RPS6KA5: variants seen among roughly 807,000 people sequenced by gnomAD.
RPS6KA5 encodes ribosomal protein S6 kinase A5, also known as ribosomal protein S6 kinase alpha-5.
In RPS6KA5, 27 loss-of-function variants were observed where a neutral mutation model predicts 85.5. The ratio of observed to expected loss-of-function variants is 0.32; its 90% confidence interval spans 0.23 to 0.44. The LOEUF is 0.44. Ranked by LOEUF, RPS6KA5 falls within the 20% of genes least tolerant of loss-of-function variation. RPS6KA5 has a pLI of 1.00. For synonymous variants in RPS6KA5, 334 were observed against 348.2 expected (o/e 0.96, Z 0.46); for missense variants, 811 against 980.9 (o/e 0.83, Z 2.31).
chr14:91,007,042 T>C (rs1166323997), intron 1 of RPS6KA5, among the ~76,000 whole-genome samples: 1 of 152,214 alleles, frequency 6.6e-6, no homozygotes, highest in Non-Finnish European at 1.5e-5. Context: ...ACAACTCTTA[T>C]TAAATTTGTT....
intron 3 of RPS6KA5, among the ~76,000 whole-genome samples, chr14:90,959,204 C>T (rs1271985484): frequency 6.6e-6 from 1 of 152,180 alleles, no homozygotes; most frequent in Non-Finnish European, 1.5e-5. Flanking sequence ...CCGTAGTGTA[C>T]ATCATCTACT....
At chr14:91,051,634 C>T (rs1460832733) in intron 1 of RPS6KA5, among the ~76,000 whole-genome samples, 1 of 151,888 alleles carries the variant, frequency 6.6e-6, no homozygotes, top group Non-Finnish European at 1.5e-5. Context: ...ATTACAGGTG[C>T]CCGCCACCGT....
At position 90,859,173 on chromosome 14, in the gene RPS6KA5, A is replaced by T. The variant is rs2032421229; in HGVS notation, c.*12901T>A. On this transcript the variant is annotated 3_prime_UTR_variant, in exon 17 of 17. Transcript: ENST00000614987. ...AGGAGTAAGAGCAAAACTGAAATGT[A>T]CAAGCCCAACAAAGTCTAAAACCAA... 1 of 152,268 alleles carries T rather than the reference A, an allele frequency of 6.6e-6. No homozygotes were observed. The highest frequency in any genetic ancestry group is 1.5e-5 in the Non-Finnish European group (1 of 68,056). The allele number at this position is 152,268 out of a possible 1,614,324, so 9.4% of individuals were successfully genotyped here.
At chr14:90,924,049 T>C (rs1374074466) in intron 5 of RPS6KA5, among the ~76,000 whole-genome samples, 1 of 152,152 alleles carries the variant, frequency 6.6e-6, no homozygotes, top group East Asian at 1.9e-4. Context: ...GCTTATCTGG[T>C]GCTTTGGGGG....
In RPS6KA5 at chr14:90,858,420, C is replaced by T. The variant is rs943240671; in HGVS notation, c.*13654G>A. 1 of 152,024 alleles carries T rather than the reference C, an allele frequency of 6.6e-6. No individual in the cohort carries two copies. The highest frequency in any genetic ancestry group is 1.9e-4 in the East Asian group (1 of 5,200). 9.4% of individuals were successfully genotyped at this position (152,024 alleles called of 1,614,324 possible). A position where few individuals can be genotyped will look rare whatever the true frequency, so the allele number is the denominator to read the frequency against. ...ATTTTCTAGGATTCGACATTTTCAG[C>T]GATCGAGAATTATTATACTTTGTAA... On this transcript the variant is annotated 3_prime_UTR_variant, in exon 17 of 17. Coordinates refer to ENST00000614987, the MANE Select transcript of RPS6KA5 (RefSeq NM_004755.4).
At chr14:91,060,277 GCCCTCAGGCGCGCC>G in intron 1 of RPS6KA5, 41 bp downstream of exon 1, 1 of 1,106,262 alleles carries the variant, frequency 9.0e-7, no homozygotes. Context: ...GCACCCGCGT[GCCCTCAGGCGCGCC>G]CCCGCGCCGG....
At chr14:91,049,550 G>A (rs146809118) in intron 1 of RPS6KA5, among the ~76,000 whole-genome samples, 147 of 152,260 alleles carry the variant, frequency 9.7e-4, no homozygotes, top group Non-Finnish European at 1.8e-3. Flanking sequence ...AGGAAGCGGA[G>A]CTTGCCGTGA....
chr14:90,989,112 A>G (rs1051582252), intron 2 of RPS6KA5, among the ~76,000 whole-genome samples: 1 of 152,200 alleles, frequency 6.6e-6, no homozygotes, highest in Non-Finnish European at 1.5e-5. Flanking sequence ...CAGCTTTACA[A>G]TGGAGTTCCC....
intron 7 of RPS6KA5, among the ~76,000 whole-genome samples, chr14:90,913,855 A>C (rs2035963569): frequency 6.6e-6 from 1 of 152,224 alleles, no homozygotes; most frequent in Non-Finnish European, 1.5e-5. Flanking sequence ...ACTCAGAAGC[A>C]GACTTCAATG....
rs11849015 is a variant in RPS6KA5, at chr14:90,985,865, T to A, written c.176-7341A>T. 4.2e-3 allele frequency among the ~76,000 whole-genome samples: 646 copies of A among 152,266 alleles called. 4 individuals are homozygous for A. Among genetic ancestry groups the A allele is most frequent in the African/African-American group, 0.014 (596 of 41,538 alleles). On this transcript the variant is annotated intron_variant, in intron 2 of 16. Coordinates refer to ENST00000614987, the MANE Select transcript of RPS6KA5 (RefSeq NM_004755.4). ...TATCTGTTATTCTTATTATGTAAAT[T>A]CATTAAATATTACATGAACCACTGA...
intron 7 of RPS6KA5, among the ~76,000 whole-genome samples, chr14:90,919,917 C>T (rs936043596): frequency 7.2e-5 from 11 of 152,096 alleles, no homozygotes; most frequent in South Asian, 4.1e-4. Context: ...CAATATATGA[C>T]GTATCTACTA....
At position 90,865,515 on chromosome 14, in the gene RPS6KA5, C is replaced by G. The variant is rs1295660984; in HGVS notation, c.*6559G>C. 6.6e-6 allele frequency: 1 copy of G among 152,176 alleles called. No individual in the cohort carries two copies. Among genetic ancestry groups the G allele is most frequent in the Admixed American group, 6.5e-5 (1 of 15,272 alleles). 9.4% of individuals were successfully genotyped at this position (152,176 alleles called of 1,614,324 possible). A position where few individuals can be genotyped will look rare whatever the true frequency, so the allele number is the denominator to read the frequency against. On this transcript the variant is annotated 3_prime_UTR_variant, in exon 17 of 17. Coordinates refer to ENST00000614987, the MANE Select transcript of RPS6KA5 (RefSeq NM_004755.4). ...GACTGACTGGGAGCCTCATCTTGATCTGAATGATGGTTATATGGGCGCATA... is the reference window on the plus strand; with the variant it reads ...GACTGACTGGGAGCCTCATCTTGATGTGAATGATGGTTATATGGGCGCATA...
intron 4 of RPS6KA5, among the ~76,000 whole-genome samples, chr14:90,945,962 C>T (rs1456498698): frequency 6.6e-6 from 1 of 152,142 alleles, no homozygotes; most frequent in Non-Finnish European, 1.5e-5. Context: ...CAAGATTGCA[C>T]CACTACACTG....
intron 14 of RPS6KA5, among the ~76,000 whole-genome samples, chr14:90,886,775 A>C (rs1029060012): frequency 2.0e-5 from 3 of 152,348 alleles, no homozygotes; most frequent in Middle Eastern, 3.4e-3. Context: ...TAAGCAGATT[A>C]ATATACCGTG....
intron 3 of RPS6KA5, among the ~76,000 whole-genome samples, chr14:90,965,811 A>G (rs1303215992): frequency 6.6e-6 from 1 of 152,200 alleles, no homozygotes; most frequent in Non-Finnish European, 1.5e-5. Context: ...CAGCCAAGGC[A>G]GATTCTAGGT....
chr14:90,954,781 G>A (rs1287996490), intron 3 of RPS6KA5, among the ~76,000 whole-genome samples: 2 of 152,210 alleles, frequency 1.3e-5, no homozygotes, highest in Non-Finnish European at 2.9e-5. Flanking sequence ...CTATTCAGAA[G>A]TTGTATTTCT....
In RPS6KA5 at chr14:90,848,518, C is replaced by T. The variant is rs1406501146; in HGVS notation, c.*23556G>A. On this transcript the variant is annotated 3_prime_UTR_variant, in exon 17 of 17. Coordinates refer to ENST00000614987, the MANE Select transcript of RPS6KA5 (RefSeq NM_004755.4). The stretch of plus-strand genomic sequence containing the variant: ...GTGGCAGCAACCAAAAATATCATTC[C>T]CTCTGGGGGGAATTAATGCTAGATT... 2.0e-5 allele frequency: 3 copies of T among 152,036 alleles called. No individual in the cohort carries two copies. The highest frequency in any genetic ancestry group is 4.4e-5 in the Non-Finnish European group (3 of 68,002). 9.4% of individuals were successfully genotyped at this position (152,036 alleles called of 1,614,324 possible). A position where few individuals can be genotyped will look rare whatever the true frequency, so the allele number is the denominator to read the frequency against.
At chr14:90,906,371 C>T (rs947668745) in intron 7 of RPS6KA5, 72 bp from the exon 8 acceptor site, 2 of 1,246,498 alleles carry the variant, frequency 1.6e-6, no homozygotes, top group Admixed American at 2.2e-5. Context: ...GTGAAATACA[C>T]TTTGAAACTG....
intron 1 of RPS6KA5, among the ~76,000 whole-genome samples, chr14:91,049,617 AAAAAAAG>A (rs1049096438): frequency 7.9e-5 from 12 of 152,186 alleles, no homozygotes; most frequent in East Asian, 5.8e-4. Context: ...TCTGTCTCAA[AAAAAAAG>A]AAAAAAGAAA....
Sources: gnomAD v4.1 joint callset for allele counts (sites outside exome capture counted in the v4.1 genomes callset) on GRCh38, gnomAD v4.1.1 for gene constraint, MANE v1.5 for transcripts, NCBI Gene and HGNC (gene_info 2026-07-23, HGNC 2026-07-21) for gene names.